Variants in CRPPA observed in about 807,000 individuals in gnomAD.
CRPPA encodes the protein D-ribitol-5-phosphate cytidylyltransferase.
CRPPA carries 43 observed loss-of-function variants against 52.0 expected under a neutral mutation model. The observed-to-expected ratio is 0.83, with a 90% confidence interval of 0.65 to 1.07. The LOEUF is 1.07. Ranked by LOEUF, CRPPA falls within the 50% of genes least tolerant of loss-of-function variation. The probability of loss-of-function intolerance (pLI) is 0.00; values close to 1 mark genes in which losing one functional copy is unlikely to be tolerated. For missense variants in CRPPA, 629 were observed against 551.7 expected, an observed-to-expected ratio of 1.14 and a Z score of -1.40; for synonymous variants, 250 against 203.5, an observed-to-expected ratio of 1.23 and a Z score of -1.94.
intron 3 of CRPPA, among the ~76,000 whole-genome samples, chr7:16,317,864 A>T (rs1191801701): frequency 6.6e-6 from 1 of 152,156 alleles, no homozygotes; most frequent in East Asian, 1.9e-4. Flanking sequence ...CCCCACCAAC[A>T]GAGTATCAAA....
intron 6 of CRPPA, among the ~76,000 whole-genome samples, chr7:16,273,803 T>C (rs1300906101): frequency 6.6e-6 from 1 of 152,172 alleles, no homozygotes; most frequent in Non-Finnish European, 1.5e-5. Context: ...GGGTCATGGA[T>C]ACCCTGCTAG....
intron 9 of CRPPA, among the ~76,000 whole-genome samples, chr7:16,119,455 G>C (rs907400772): frequency 6.0e-5 from 9 of 150,930 alleles, no homozygotes. Flanking sequence ...AAAAAAGAAA[G>C]CAAAAAATAA....
At chr7:16,354,309 T>C (rs969587120) in intron 3 of CRPPA, among the ~76,000 whole-genome samples, 10 of 152,206 alleles carry the variant, frequency 6.6e-5, no homozygotes, top group Non-Finnish European at 1.5e-4. Flanking sequence ...TTTATCACGT[T>C]ATTCTGCTTT....
chr7:16,215,634 G>A (rs929453360), intron 9 of CRPPA, among the ~76,000 whole-genome samples: 3 of 152,104 alleles, frequency 2.0e-5, no homozygotes, highest in African/African-American at 7.2e-5. Context: ...TAACATAAAA[G>A]TAAATAATCT....
At position 16,286,045 on chromosome 7, in the gene CRPPA, ATATATATATATATATAT is replaced by A. The variant is rs1784430400; in HGVS notation, c.836-7836_836-7820del. On this transcript the variant is annotated intron_variant, in intron 5 of 9. Transcript: ENST00000407010. ...CAAAAAAAAAAAAAAAAAAATATAA[ATATATATATATATATAT>A]ATATATATATATATATATAATATTT... Among the ~76,000 whole-genome samples, 30 of 7,644 alleles carry A rather than the reference ATATATATATATATATAT, an allele frequency of 3.9e-3. 2 individuals are homozygous for A. Among genetic ancestry groups the A allele is most frequent in the African/African-American group, 0.016 (29 of 1,760 alleles). 5.0% of individuals were successfully genotyped at this position (7,644 alleles called of 152,430 possible).
chr7:16,287,740 G>A (rs550682895), intron 5 of CRPPA, among the ~76,000 whole-genome samples: 9 of 152,214 alleles, frequency 5.9e-5, no homozygotes, highest in South Asian at 4.1e-4. Context: ...TGGCCAATAT[G>A]GCAAAACCCT....
intron 8 of CRPPA, among the ~76,000 whole-genome samples, chr7:16,253,215 C>T (rs1783509759): frequency 6.6e-6 from 1 of 152,202 alleles, no homozygotes; most frequent in Admixed American, 6.5e-5. Context: ...AATTTTAGAT[C>T]TTTCCTGCTT....
intron 9 of CRPPA, among the ~76,000 whole-genome samples, chr7:16,157,556 TA>T (rs1783209842): frequency 6.6e-6 from 1 of 152,190 alleles, no homozygotes; most frequent in African/African-American, 2.4e-5. Flanking sequence ...AATCAGCTAG[TA>T]TTTTTTTAAT....
At chr7:16,097,811 G>T (rs13232694) in intron 9 of CRPPA, among the ~76,000 whole-genome samples, 145,960 of 152,200 alleles carry the variant, frequency 0.96, 70,290 homozygotes, top group East Asian at 1. Context: ...TGGCTCTTCA[G>T]TTACATCCTT....
intron 9 of CRPPA, among the ~76,000 whole-genome samples, chr7:16,130,211 G>C (rs578117461): frequency 3.7e-4 from 56 of 152,228 alleles, no homozygotes; most frequent in Non-Finnish European, 7.2e-4. Context: ...TTTAAAGCAA[G>C]ACTTCATAAT....
chr7:16,307,460 T>C lies in CRPPA; in HGVS notation c.789+1063A>G, dbSNP rs146935327. 4.2e-4 allele frequency among the ~76,000 whole-genome samples: 64 copies of C among 152,026 alleles called. No individual in the cohort carries two copies. In the East Asian group the frequency reaches 0.012, roughly 29 times the overall value. On this transcript the variant is annotated intron_variant, in intron 4 of 9. Transcript: ENST00000407010. ...ACTTTGGGAGGCTGAGGCAGGCAGA[T>C]AGCCTGAGGTCAGGAGTTCAAGACT...
At chr7:16,312,097 T>G (rs1402327691) in intron 3 of CRPPA, among the ~76,000 whole-genome samples, 1 of 152,056 alleles carries the variant, frequency 6.6e-6, no homozygotes, top group Non-Finnish European at 1.5e-5. Context: ...TTGTGTTAGC[T>G]ATTCTAGGTC....
intron 3 of CRPPA, among the ~76,000 whole-genome samples, chr7:16,358,016 G>C (rs1298261214): frequency 1.3e-5 from 2 of 152,218 alleles, no homozygotes; most frequent in Non-Finnish European, 2.9e-5. Context: ...TGACAAGCTG[G>C]AAGTATACTG....
chr7:16,102,677 C>T (rs1014238569), intron 9 of CRPPA, among the ~76,000 whole-genome samples: 1 of 152,160 alleles, frequency 6.6e-6, no homozygotes, highest in African/African-American at 2.4e-5. Context: ...CAACAGAAGA[C>T]ATTTACGTGA....
chr7:16,268,604 G>T, intron 6 of CRPPA, among the ~76,000 whole-genome samples: 1 of 152,002 alleles, frequency 6.6e-6, no homozygotes, highest in Middle Eastern at 3.4e-3. Flanking sequence ...AAATACTAAG[G>T]ATAAATTACA....
chr7:16,345,053 TA>T (rs1785977068), intron 3 of CRPPA, among the ~76,000 whole-genome samples: 1 of 152,068 alleles, frequency 6.6e-6, no homozygotes, highest in South Asian at 2.1e-4. Flanking sequence ...TATAAATGCA[TA>T]AAAATCAAAC....
At position 16,383,265 on chromosome 7, in the gene CRPPA, CCT is replaced by C. The variant is rs532604488; in HGVS notation, c.535-7026_535-7025del. Reference sequence around the variant, plus strand: ...AGTTTGCTAGAGGTCCACTCTAGACCCTGTTTGCCTGGGTATCAGCAGCGGTG... The same window carrying C: ...AGTTTGCTAGAGGTCCACTCTAGACCGTTTGCCTGGGTATCAGCAGCGGTG... On this transcript the variant is annotated intron_variant, in intron 2 of 9. Transcript: ENST00000407010. Among the ~76,000 whole-genome samples the C allele has an allele frequency of 6.8e-3, 1,040 of 152,250 alleles. 11 individuals carry two copies. Among genetic ancestry groups the C allele is most frequent in the African/African-American group, 0.024 (1,009 of 41,542 alleles).
At chr7:16,122,609 G>A (rs1425289661) in intron 9 of CRPPA, among the ~76,000 whole-genome samples, 1 of 151,962 alleles carries the variant, frequency 6.6e-6, no homozygotes, top group Non-Finnish European at 1.5e-5. Context: ...ACTCAGATTT[G>A]TTTTGTTTTA....
intron 9 of CRPPA, among the ~76,000 whole-genome samples, chr7:16,212,651 T>A (rs952929726): frequency 1.3e-5 from 2 of 152,132 alleles, no homozygotes; most frequent in African/African-American, 4.8e-5. Context: ...TGTGTCAGAG[T>A]GAGATATGTA....
Sources: allele counts gnomAD v4.1 joint callset (sites outside exome capture counted in the v4.1 genomes callset), GRCh38; gene constraint gnomAD v4.1.1; transcripts MANE v1.5; gene names NCBI Gene and HGNC (gene_info 2026-07-23, HGNC 2026-07-21).